GMNC: variants seen among roughly 807,000 people sequenced by gnomAD.
GMNC encodes geminin coiled-coil domain containing.
GMNC carries 16 observed loss-of-function variants against 33.6 expected under a neutral mutation model. The observed-to-expected ratio is 0.48, with a 90% CI of 0.32 to 0.72. The LOEUF (loss-of-function observed/expected upper bound fraction) is 0.72, where lower values mean the gene tolerates loss of function less well. GMNC is among the 30% of genes least tolerant of loss of function. GMNC has a pLI of 0.03. For synonymous variants in GMNC, 156 were observed against 147.3 expected (o/e 1.06, Z -0.43); for missense variants, 393 against 388.9 (o/e 1.01, Z -0.09).
At chr3:190,852,625 G>C (rs1328759117), downstream of GMNC, among the ~76,000 whole-genome samples, 2 of 152,056 alleles carry the variant, frequency 1.3e-5, no homozygotes, top group Non-Finnish European at 2.9e-5. Flanking sequence ...ATATGCCCTA[G>C]AGAAGGGAAA....
chr3:190,860,585 A>G, intron 2 of GMNC, 99 bp downstream of exon 2: 2 of 1,020,056 alleles, frequency 2.0e-6, no homozygotes, highest in South Asian at 2.0e-5. Flanking sequence ...AATTTTCCAT[A>G]TCGTCCCTTA....
rs142445403 is a variant in GMNC, at chr3:190,860,368, A to G, written c.178+316T>C. On this transcript the variant is annotated intron_variant, in intron 2 of 4. Transcript: ENST00000442080. ...GTGTTCCAACTGGTATCCTCATTCC[A>G]AAGACATTCTGCTGGTGTGTTGTTT... Among the ~76,000 whole-genome samples, 479 of 152,292 alleles carry G rather than the reference A, an allele frequency of 3.1e-3. 2 individuals carry two copies. Among genetic ancestry groups the G allele is most frequent in the South Asian group, 6.2e-3 (30 of 4,834 alleles).
In GMNC at chr3:190,855,177, A is replaced by G; in HGVS notation, c.*118T>C. 2 of 1,006,406 alleles carry G rather than the reference A, an allele frequency of 2.0e-6. No homozygotes were observed. Among genetic ancestry groups the G allele is most frequent in the Non-Finnish European group, 2.9e-6 (2 of 699,130 alleles). The allele number at this position is 1,006,406 out of a possible 1,614,324, so 62.3% of individuals were successfully genotyped here. ...AAGTGGGTAATTGAGAGTGACATTTAAAGTGGCAGGAGACAGTCTAAGCAA... is the reference window on the plus strand; with the variant it reads ...AAGTGGGTAATTGAGAGTGACATTTGAAGTGGCAGGAGACAGTCTAAGCAA... On this transcript the variant is annotated 3_prime_UTR_variant, in exon 5 of 5. Coordinates refer to ENST00000442080, the MANE Select transcript of GMNC (RefSeq NM_001146686.3).
chr3:190,850,441 A>C (rs1737615537), downstream of GMNC, among the ~76,000 whole-genome samples: 1 of 152,180 alleles, frequency 6.6e-6, no homozygotes, highest in African/African-American at 2.4e-5. Flanking sequence ...CCGTTTCCCG[A>C]CTGAGTCTGT....
rs11378580 is a variant in GMNC, at chr3:190,861,455, CATCT to C, written c.4-601_4-598del. On this transcript the variant is annotated intron_variant, in intron 1 of 4. Coordinates refer to ENST00000442080, the MANE Select transcript of GMNC (RefSeq NM_001146686.3). The surrounding 1 kb of genome is among the most constrained non-coding windows in gnomAD (Gnocchi z 5.1). ...TCTGTCTGTCTGTCTGTCTGCCTAT[CATCT>C]ATCTATCTATCTATCTATCTATCTA... 0.3 allele frequency among the ~76,000 whole-genome samples: 43,387 copies of C among 145,776 alleles called. 6,293 individuals are homozygous for C. Among genetic ancestry groups the C allele is most frequent in the Admixed American group, 0.33 (4,720 of 14,490 alleles).
In GMNC at chr3:190,854,815, C is replaced by T. The variant is rs1737697288; in HGVS notation, c.*480G>A. 1 of 179,698 alleles carries T rather than the reference C, an allele frequency of 5.6e-6. No homozygotes were observed. Among genetic ancestry groups the T allele is most frequent in the African/African-American group, 2.4e-5 (1 of 41,978 alleles). The allele number at this position is 179,698 out of a possible 1,614,324, so 11.1% of individuals were successfully genotyped here. A position where few individuals can be genotyped will look rare whatever the true frequency, so the allele number is the denominator to read the frequency against. ...TGATGGGCAAAGACACTTGTTTCAA[C>T]CCCACCCTCAGCTATTTGAACATGC... On this transcript the variant is annotated 3_prime_UTR_variant, in exon 5 of 5. Transcript: ENST00000442080.
chr3:190,859,778 T>A, intron 2 of GMNC: 1 of 450,780 alleles, frequency 2.2e-6, no homozygotes, highest in Non-Finnish European at 4.5e-6. Context: ...CTTCATCTAG[T>A]ACAGTTTAGA....
downstream of GMNC, among the ~76,000 whole-genome samples, chr3:190,850,067 C>T (rs1737609752): frequency 6.6e-6 from 1 of 152,124 alleles, no homozygotes; most frequent in Non-Finnish European, 1.5e-5. Flanking sequence ...CCATGATAGC[C>T]CGCTTTTCCA....
the GMNC span, among the ~76,000 whole-genome samples, chr3:190,846,160 T>C: frequency 6.6e-6 from 1 of 151,752 alleles, no homozygotes; most frequent in Non-Finnish European, 1.5e-5. Context: ...ACCCAGGAGG[T>C]GGAAGTTGCA....
Position 190,857,777 on chromosome 3 carries a change from A to T in GMNC, c.384+6T>A. On this transcript the variant is annotated splice_donor_region_variant and intron_variant, in intron 4 of 4. Transcript: ENST00000442080. ...CTTATAAAGTAGATACATACATCAT[A>T]CATACCTTGGCCTTTTCTTCAAGAC... 1 of 1,366,014 alleles carries T rather than the reference A, an allele frequency of 7.3e-7. No homozygotes were observed. Among genetic ancestry groups the T allele is most frequent in the East Asian group, 2.5e-5 (1 of 40,084 alleles). 84.6% of individuals were successfully genotyped at this position (1,366,014 alleles called of 1,614,324 possible). A position where few individuals can be genotyped will look rare whatever the true frequency, so the allele number is the denominator to read the frequency against.
rs1485660259 is a variant in GMNC, at chr3:190,857,828, T to C, written c.339A>G (p.Gln113=). The change falls in exon 4 of 5, where the codon CAA becomes CAG. Residue 113 remains glutamine, a synonymous_variant. Transcript: ENST00000442080. ...ATTTAACCAAAGCAGAATTCAGGTA[T>C]TGTCTGAGGTGATTATTCTCTTCGT... The part of the protein sequence containing the change: ...RLHEENNHLR[Q]YLNSALVKCL... 4 of 1,550,550 alleles carry C rather than the reference T, an allele frequency of 2.6e-6. No individual in the cohort carries two copies. The highest frequency in any genetic ancestry group is 3.5e-6 in the Non-Finnish European group (4 of 1,146,040).
chr3:190,855,357 C>T lies in GMNC; in HGVS notation c.943G>A (p.Ala315Thr). 6.4e-7 allele frequency: 1 copy of T among 1,551,880 alleles called. No individual in the cohort carries two copies. The highest frequency in any genetic ancestry group is 8.7e-7 in the Non-Finnish European group (1 of 1,146,924). The stretch of plus-strand genomic sequence containing the variant: ...CCCTCCTCATCTCGACGCACAAAGG[C>T]TTGTCCCTGGTGGAAGGAATGAGTT... ...VKTHSFHQGQ[A>T]FVRRDEEGGW... Residue 315 changes from alanine to threonine, a missense_variant, in exon 5 of 5, where the codon GCC becomes ACC. Transcript: ENST00000442080.
Position 190,861,832 on chromosome 3 carries a change from T to C in GMNC, c.3+781A>G, listed in dbSNP as rs1737878299. On this transcript the variant is annotated intron_variant, in intron 1 of 4. Transcript: ENST00000442080. This position sits in a 1 kb window ranked among gnomAD's most constrained non-coding sequence, Gnocchi z 5.1. ...TAATTTGTACAACACCAAATTTAAA[T>C]TATTTGTCAATGTTTAATCAGGTAA... 6.6e-6 allele frequency among the ~76,000 whole-genome samples: 1 copy of C among 152,180 alleles called. No individual in the cohort carries two copies. Among genetic ancestry groups the C allele is most frequent in the South Asian group, 2.1e-4 (1 of 4,826 alleles).
At position 190,857,917 on chromosome 3, in the gene GMNC, T is replaced by A. The variant is rs753338032; in HGVS notation, c.268-18A>T. On this transcript the variant is annotated intron_variant, in intron 3 of 4. Transcript: ENST00000442080. ...TCTTGCAGCTACAAAAAGCAGACAG[T>A]GGTGAAGGCTGCTCCACTATATTGA... 13 of 1,291,676 alleles carry A rather than the reference T, an allele frequency of 1.0e-5. No homozygotes were observed. Among genetic ancestry groups the A allele is most frequent in the Non-Finnish European group, 1.4e-5 (13 of 909,560 alleles). The allele number at this position is 1,291,676 out of a possible 1,614,324, so 80.0% of individuals were successfully genotyped here. A position where few individuals can be genotyped will look rare whatever the true frequency, so the allele number is the denominator to read the frequency against.
rs887267171 is a variant in GMNC, at chr3:190,854,602, T to C, written c.*693A>G. ...GATGCTGGGTACATATAGAAGCTGA[T>C]ACATCATGAGGCATTTAAAAATAAT... On this transcript the variant is annotated 3_prime_UTR_variant, in exon 5 of 5. Transcript: ENST00000442080. 1.3e-5 allele frequency: 2 copies of C among 152,288 alleles called. No homozygotes were observed. Among genetic ancestry groups the C allele is most frequent in the East Asian group, 1.9e-4 (1 of 5,198 alleles). 9.4% of individuals were successfully genotyped at this position (152,288 alleles called of 1,614,324 possible). A position where few individuals can be genotyped will look rare whatever the true frequency, so the allele number is the denominator to read the frequency against.
chr3:190,860,799 C>T lies in GMNC; in HGVS notation c.63G>A (p.Pro21=), dbSNP rs372354454. 1,337 of 1,551,258 alleles carry T rather than the reference C, an allele frequency of 8.6e-4. 2 individuals carry two copies. The highest frequency in any genetic ancestry group is 1.3e-3 in the African/African-American group (95 of 73,066). The change falls in exon 2 of 5, where the codon CCG becomes CCA. Residue 21 remains proline (P), a synonymous_variant. Coordinates refer to ENST00000442080, the MANE Select transcript of GMNC (RefSeq NM_001146686.3). ...YFVGGQSYNC[P]YSTTTSESSV... is the part of the protein sequence containing the mutation. ...TAGATTCTGACGTTGTAGTGGAATACGGGCAATTATAGCTCTGGCCTCCTA... is the reference window on the plus strand; with the variant it reads ...TAGATTCTGACGTTGTAGTGGAATATGGGCAATTATAGCTCTGGCCTCCTA...
At chr3:190,849,768 A>G (rs1243524734), downstream of GMNC, among the ~76,000 whole-genome samples, 1 of 152,226 alleles carries the variant, frequency 6.6e-6, no homozygotes, top group African/African-American at 2.4e-5. Flanking sequence ...AAGTGTGAGG[A>G]TAGACTGACT....
intron 4 of GMNC, among the ~76,000 whole-genome samples, chr3:190,856,541 T>G (rs1737751751): frequency 6.7e-6 from 1 of 148,420 alleles, no homozygotes; most frequent in Non-Finnish European, 1.5e-5. Flanking sequence ...ATAAATGAAC[T>G]ATCATTTACT....
intron 2 of GMNC, 66 bp downstream of exon 2, chr3:190,860,618 G>A: frequency 7.3e-7 from 1 of 1,373,618 alleles, no homozygotes; most frequent in Non-Finnish European, 9.9e-7. Context: ...AGCCCATGAT[G>A]CTCCGCAGCC....
Sources: gnomAD v4.1 joint callset for allele counts (sites outside exome capture counted in the v4.1 genomes callset) on GRCh38, gnomAD v4.1.1 for gene constraint, Gnocchi (gnomAD v3.1) non-coding constraint, MANE v1.5 for transcripts, NCBI Gene and HGNC (gene_info 2026-07-23, HGNC 2026-07-21) for gene names.